Variants in ECT2 observed in about 807,000 individuals in gnomAD.
ECT2 encodes protein ECT2.
Under a neutral mutation model 116.9 loss-of-function variants are expected in ECT2, and 61 were observed. The ratio of observed to expected loss-of-function variants is 0.52; its 90% CI spans 0.42 to 0.65. The LOEUF (loss-of-function observed/expected upper bound fraction) is 0.65. ECT2 is among the 30% of genes least tolerant of loss of function. ECT2 has a pLI of 0.00. For synonymous variants in ECT2, 358 were observed against 346.4 expected (o/e 1.03, Z -0.37); for missense variants, 937 against 1,078.7 (o/e 0.87, Z 1.84).
At chr3:172,788,895 T>G (rs570039431) in intron 18 of ECT2, among the ~76,000 whole-genome samples, 1 of 152,032 alleles carries the variant, frequency 6.6e-6, no homozygotes, top group East Asian at 1.9e-4. Context: ...TCGTCTCTAC[T>G]AAAAATACAA....
chr3:172,789,164 G>A (rs529501528), intron 18 of ECT2, among the ~76,000 whole-genome samples: 2 of 151,282 alleles, frequency 1.3e-5, no homozygotes, highest in East Asian at 1.9e-4. Context: ...TACCAGGGTC[G>A]TGGTTGCTGA....
intron 16 of ECT2, 95 bp from the exon 17 acceptor site, chr3:172,784,612 C>G: frequency 2.3e-6 from 2 of 858,946 alleles, no homozygotes; most frequent in Non-Finnish European, 3.9e-6. Flanking sequence ...TAGTTTGTAT[C>G]ACAGACACTA....
At chr3:172,772,487 T>A (rs1056026968) in intron 13 of ECT2, among the ~76,000 whole-genome samples, 7 of 152,226 alleles carry the variant, frequency 4.6e-5, no homozygotes, top group Non-Finnish European at 1.0e-4. Flanking sequence ...TGAGCCACTG[T>A]GCCCGGCCGA....
chr3:172,791,319 G>A lies in ECT2; in HGVS notation c.1907+4745G>A, dbSNP rs546621887. On this transcript the variant is annotated intron_variant, in intron 18 of 24. Transcript: ENST00000392692. Reference sequence around the variant, plus strand: ...ACATAGTCAGTCACCAGCTGCATTAGCCCCTAACGAAAGAGTCAGCCTGTC... The same window carrying A: ...ACATAGTCAGTCACCAGCTGCATTAACCCCTAACGAAAGAGTCAGCCTGTC... Among the ~76,000 whole-genome samples, 102 of 151,994 alleles carry A rather than the reference G, an allele frequency of 6.7e-4. 1 individual carries two copies. The highest frequency in any genetic ancestry group is 2.1e-4 in the Non-Finnish European group (14 of 68,002).
intron 24 of ECT2, among the ~76,000 whole-genome samples, chr3:172,819,084 A>C (rs1453018839): frequency 6.6e-6 from 1 of 152,146 alleles, no homozygotes; most frequent in Non-Finnish European, 1.5e-5. Flanking sequence ...CTGATTCTTA[A>C]TGTTAGATTT....
intron 14 of ECT2, among the ~76,000 whole-genome samples, chr3:172,780,035 T>G (rs1479019613): frequency 6.6e-6 from 1 of 152,172 alleles, no homozygotes; most frequent in Non-Finnish European, 1.5e-5. Context: ...AAAATTAATC[T>G]TTATTTCTAC....
intron 18 of ECT2, among the ~76,000 whole-genome samples, chr3:172,792,080 C>T (rs1390112104): frequency 2.0e-5 from 3 of 152,170 alleles, no homozygotes; most frequent in Admixed American, 6.5e-5. Context: ...TCAGAACACA[C>T]ACACACTTAT....
chr3:172,768,309 T>A (rs1347977552), intron 12 of ECT2, among the ~76,000 whole-genome samples: 1 of 152,204 alleles, frequency 6.6e-6, no homozygotes, highest in African/African-American at 2.4e-5. Context: ...AAGATTCCTA[T>A]ACCTTTTACC....
At chr3:172,808,064 A>C in intron 22 of ECT2, 140 bp downstream of exon 22, 1 of 832,530 alleles carries the variant, frequency 1.2e-6, no homozygotes, top group Non-Finnish European at 1.8e-6. Context: ...CTGATGTAAT[A>C]AGTTGTTTTA....
intron 22 of ECT2, among the ~76,000 whole-genome samples, chr3:172,815,398 C>T (rs142875988): frequency 4.6e-5 from 7 of 151,966 alleles, no homozygotes; most frequent in Non-Finnish European, 1.0e-4. Flanking sequence ...TATCCATGAC[C>T]CTTACAACAA....
rs1718354107 is a variant in ECT2 at position 172,761,778 on chromosome 3, A to T, written c.758+95A>T. ...CTGAAAAAAGTAATTTCATAGATAT[A>T]AAAACTGAATTCAGTCTGAGTAGCT... On this transcript the variant is annotated intron_variant, in intron 8 of 24. Transcript: ENST00000392692. 3.8e-6 allele frequency: 3 copies of T among 786,656 alleles called. No homozygotes were observed. The African/African-American group carries it at 5.3e-5, about 14-fold the overall frequency. The allele number at this position is 786,656 out of a possible 1,614,324, so 48.7% of individuals were successfully genotyped here.
intron 18 of ECT2, among the ~76,000 whole-genome samples, chr3:172,791,126 C>G (rs1724579638): frequency 6.6e-6 from 1 of 152,194 alleles, no homozygotes; most frequent in Admixed American, 6.5e-5. Context: ...TGTACTCCAG[C>G]CTGGATGACA....
chr3:172,801,965 G>T (rs972244579), intron 18 of ECT2, among the ~76,000 whole-genome samples: 7 of 152,114 alleles, frequency 4.6e-5, no homozygotes, highest in African/African-American at 1.7e-4. Context: ...CTTATATTGA[G>T]AACTTCAAAA....
In ECT2 at chr3:172,758,966, G is replaced by A; in HGVS notation, c.487-14G>A. On this transcript the variant is annotated splice_polypyrimidine_tract_variant and intron_variant, in intron 5 of 24. Transcript: ENST00000392692. ...AAAGAGAAAGCTCACATTTAAAATT[G>A]TTGTATCCTTCAGCCTTTGCCATTT... 1 of 1,591,842 alleles carries A rather than the reference G, an allele frequency of 6.3e-7. No individual in the cohort carries two copies. Among genetic ancestry groups the A allele is most frequent in the South Asian group, 1.1e-5 (1 of 88,416 alleles).
chr3:172,780,326 AACTT>A (rs1453837741), intron 14 of ECT2, among the ~76,000 whole-genome samples: 1 of 152,084 alleles, frequency 6.6e-6, no homozygotes, highest in East Asian at 1.9e-4. Context: ...TGGCTATACT[AACTT>A]TAAATTGTCT....
chr3:172,804,326 A>G (rs569534765), intron 20 of ECT2, among the ~76,000 whole-genome samples: 5 of 152,306 alleles, frequency 3.3e-5, no homozygotes, highest in African/African-American at 9.6e-5. Flanking sequence ...AGGCTAAATG[A>G]AAAATACTTT....
Position 172,764,365 on chromosome 3 carries a change from A to G in ECT2, c.1156A>G (p.Thr386Ala), listed in dbSNP as rs1315924523. ...TCGCAAACGACGTCGTTTAAAAGAA[A>G]CACTTGCTCAGCTTTCAAGAGAGAC... The part of the protein sequence containing the change: ...SNRKRRRLKE[T>A]LAQLSRETDV... Residue 386 changes from threonine (T) to alanine (A), a missense_variant, in exon 12 of 25, where the codon ACA becomes GCA. Transcript: ENST00000392692. 1 of 1,614,166 alleles carries G rather than the reference A, an allele frequency of 6.2e-7. No individual in the cohort carries two copies. Among genetic ancestry groups the G allele is most frequent in the East Asian group, 2.2e-5 (1 of 44,880 alleles).
At chr3:172,821,558 ACTTG>A (rs367937333), downstream of ECT2, 1 of 151,852 alleles carries the variant, frequency 6.6e-6, no homozygotes, top group African/African-American at 2.4e-5. Context: ...TCTTTTGTGT[ACTTG>A]CTTGCTTACT....
rs1717112764 is a variant in ECT2 at position 172,756,991 on chromosome 3, A to G, written c.312A>G (p.Lys104=). 2 of 1,602,848 alleles carry G rather than the reference A, an allele frequency of 1.2e-6. No individual in the cohort carries two copies. The highest frequency in any genetic ancestry group is 1.3e-5 in the African/African-American group (1 of 74,238). Residue 104 remains lysine (K), a synonymous_variant, in exon 5 of 25, where the codon AAA becomes AAG. Coordinates refer to ENST00000392692, the MANE Select transcript of ECT2 (RefSeq NM_001258315.2). ...LIKSVINMDI[K]VGFVKMESVE... The stretch of plus-strand genomic sequence containing the variant: ...AACTATATGATGAAAAGGACATTAA[A>G]GTGGGCTTTGTAAAGATGGAGTCAG...
Sources: gnomAD v4.1 joint callset for allele counts (sites outside exome capture counted in the v4.1 genomes callset) on GRCh38, gnomAD v4.1.1 for gene constraint, MANE v1.5 for transcripts, NCBI Gene and HGNC (gene_info 2026-07-23, HGNC 2026-07-21) for gene names.